The following VAMP7 variants were observed in gnomAD, a reference collection of about 807,000 sequenced individuals.
VAMP7 encodes the protein vesicle-associated membrane protein 7.
A neutral mutation model predicts 29.6 loss-of-function variants in VAMP7; 14 were observed. The ratio of observed to expected loss-of-function variants is 0.47; its 90% CI spans 0.31 to 0.74. The LOEUF (loss-of-function observed/expected upper bound fraction) is 0.74, where lower values mean the gene tolerates loss of function less well. VAMP7 is among the 30% of genes least tolerant of loss of function. The pLI is 0.05. For missense variants in VAMP7, 223 were observed against 262.4 expected, an observed-to-expected ratio of 0.85 and a Z score of 1.04; for synonymous variants, 95 against 88.1, an observed-to-expected ratio of 1.08 and a Z score of -0.44.
At chrX:155,936,500 G>A (rs747512122) in intron 6 of VAMP7, among the ~76,000 whole-genome samples, 1 of 152,228 alleles carries the variant, frequency 6.6e-6, no homozygotes, top group Admixed American at 6.5e-5. Flanking sequence ...CTCTGAGCCA[G>A]GCGCGGGATA....
intron 6 of VAMP7, among the ~76,000 whole-genome samples, chrX:155,935,300 A>C (rs1006824131): frequency 2.6e-5 from 4 of 152,114 alleles, no homozygotes; most frequent in Non-Finnish European, 4.4e-5. Flanking sequence ...AGTGTTTTCC[A>C]ACTTGGTTCC....
At chrX:155,924,542 C>A (rs1367200971) in intron 6 of VAMP7, among the ~76,000 whole-genome samples, 2 of 152,060 alleles carry the variant, frequency 1.3e-5, no homozygotes. Flanking sequence ...TGGGATCATA[C>A]AAAATTTGCC....
At chrX:155,882,487 T>C (rs988194702) in intron 1 of VAMP7, among the ~76,000 whole-genome samples, 2 of 152,206 alleles carry the variant, frequency 1.3e-5, no homozygotes, top group African/African-American at 4.8e-5. Flanking sequence ...TCTTGATCTG[T>C]AACATGACTT....
At chrX:155,893,574 C>T (rs4893101) in intron 2 of VAMP7, among the ~76,000 whole-genome samples, 90,152 of 151,946 alleles carry the variant, frequency 0.59, 26,768 homozygotes, top group East Asian at 0.67. Context: ...CTGGAGACTG[C>T]GTGAGGTGCC....
Position 155,942,185 on chromosome X carries a change from T to C in VAMP7, c.*234T>C. Reference sequence around the variant, plus strand: ...TTGCAGCAGTAGCCTTAAAAAGGCTTTTGTTTATTTCTTTGGTTTGTTAAC... The same window carrying C: ...TTGCAGCAGTAGCCTTAAAAAGGCTCTTGTTTATTTCTTTGGTTTGTTAAC... On this transcript the variant is annotated 3_prime_UTR_variant, in exon 8 of 8. Coordinates refer to ENST00000286448, the MANE Select transcript of VAMP7 (RefSeq NM_005638.6). The C allele has an allele frequency of 1.3e-6, 2 of 1,534,588 alleles. No homozygotes were observed. The highest frequency in any genetic ancestry group is 1.8e-6 in the Non-Finnish European group (2 of 1,139,364).
At chrX:155,925,075 A>T (rs1383769347) in intron 6 of VAMP7, among the ~76,000 whole-genome samples, 1 of 152,220 alleles carries the variant, frequency 6.6e-6, no homozygotes, top group African/African-American at 2.4e-5. Context: ...TTCAGGCTCC[A>T]GTTCTAATTC....
intron 6 of VAMP7, among the ~76,000 whole-genome samples, chrX:155,934,325 A>G (rs746827991): frequency 3.0e-4 from 45 of 151,968 alleles, no homozygotes; most frequent in African/African-American, 8.0e-4. Flanking sequence ...TTATTATTGT[A>G]TGGGAGTCTA....
chrX:155,882,566 G>GT (rs1313661218), intron 1 of VAMP7, among the ~76,000 whole-genome samples: 1 of 152,078 alleles, frequency 6.6e-6, no homozygotes, highest in East Asian at 1.9e-4. Flanking sequence ...CTCCTCCAAG[G>GT]TTATTGCATC....
At chrX:155,899,712 C>T (rs1236288612) in intron 4 of VAMP7, among the ~76,000 whole-genome samples, 2 of 151,960 alleles carry the variant, frequency 1.3e-5, no homozygotes, top group Non-Finnish European at 2.9e-5. Flanking sequence ...AATACCAGTA[C>T]TTAGTCAAAA....
chrX:155,942,597 T>G lies in VAMP7; in HGVS notation c.*646T>G, dbSNP rs1200580614. 1 of 172,208 alleles carries G rather than the reference T, an allele frequency of 5.8e-6. No homozygotes were observed. Among genetic ancestry groups the G allele is most frequent in the African/African-American group, 2.4e-5 (1 of 41,836 alleles). 10.7% of individuals were successfully genotyped at this position (172,208 alleles called of 1,614,324 possible). A position where few individuals can be genotyped will look rare whatever the true frequency, so the allele number is the denominator to read the frequency against. On this transcript the variant is annotated 3_prime_UTR_variant, in exon 8 of 8. Transcript: ENST00000286448. ...TCAGGAATAAAGTTCAGTGTGCTGA[T>G]CATTCACAATACAGTGGATAGCTTG...
chrX:155,914,277 T>G (rs1454698657), intron 5 of VAMP7, among the ~76,000 whole-genome samples: 1 of 152,178 alleles, frequency 6.6e-6, no homozygotes, highest in Admixed American at 6.5e-5. Flanking sequence ...ACAATGGGGT[T>G]TTCTAAATAT....
At chrX:155,938,328 G>A (rs2066692898) in intron 6 of VAMP7, among the ~76,000 whole-genome samples, 1 of 152,102 alleles carries the variant, frequency 6.6e-6, no homozygotes, top group Non-Finnish European at 1.5e-5. Context: ...GGCATCCTGT[G>A]CAGTCTTCAT....
At chrX:155,898,401 T>A (rs2124267831) in intron 4 of VAMP7, 152 bp downstream of exon 4, 2 of 965,178 alleles carry the variant, frequency 2.1e-6, no homozygotes, top group East Asian at 2.6e-5. Flanking sequence ...AAAAAAAAAA[T>A]GTAAAGGGGC....
intron 6 of VAMP7, among the ~76,000 whole-genome samples, chrX:155,926,992 C>A (rs1364136916): frequency 6.6e-6 from 1 of 152,026 alleles, no homozygotes; most frequent in East Asian, 1.9e-4. Context: ...GTTTATGGCA[C>A]CCGAAAACAA....
intron 4 of VAMP7, 141 bp downstream of exon 4, chrX:155,898,390 T>TAA: frequency 8.6e-6 from 9 of 1,050,282 alleles, no homozygotes; most frequent in South Asian, 6.6e-5. Context: ...CTTCCCTGAT[T>TAA]AAAAAAAAAA....
At chrX:155,908,066 C>G (rs967346477) in intron 5 of VAMP7, among the ~76,000 whole-genome samples, 2 of 152,032 alleles carry the variant, frequency 1.3e-5, no homozygotes, top group African/African-American at 4.8e-5. Context: ...ACGCTCCTCA[C>G]TTTCCAGACT....
chrX:155,936,476 G>A (rs1163754951), intron 6 of VAMP7, among the ~76,000 whole-genome samples: 3 of 152,166 alleles, frequency 2.0e-5, no homozygotes, highest in South Asian at 4.1e-4. Context: ...GTGAGGCTCC[G>A]TGGGTGTGGG....
intron 2 of VAMP7, among the ~76,000 whole-genome samples, chrX:155,891,151 T>G (rs1311005971): frequency 6.6e-6 from 1 of 152,198 alleles, no homozygotes; most frequent in African/African-American, 2.4e-5. Flanking sequence ...TACACAGTCA[T>G]GTAGCTAGCA....
chrX:155,920,875 A>G (rs1345220648), intron 6 of VAMP7, among the ~76,000 whole-genome samples: 1 of 152,220 alleles, frequency 6.6e-6, no homozygotes, highest in East Asian at 1.9e-4. Context: ...TTTAGTATAT[A>G]CAGTCTACTA....
Sources: allele counts gnomAD v4.1 joint callset (sites outside exome capture counted in the v4.1 genomes callset), GRCh38; gene constraint gnomAD v4.1.1; transcripts MANE v1.5; gene names NCBI Gene and HGNC (gene_info 2026-07-23, HGNC 2026-07-21).